Variants in PPP3CA observed in about 807,000 individuals in gnomAD.
PPP3CA encodes the protein protein phosphatase 3 catalytic subunit alpha, also known as CAM-PRP catalytic subunit.
PPP3CA carries 14 observed loss-of-function variants against 66.5 expected under a neutral mutation model. The observed-to-expected ratio is 0.21, with a 90% CI of 0.14 to 0.33. The LOEUF (loss-of-function observed/expected upper bound fraction) is 0.33. Among genes scored for constraint, PPP3CA ranks in the 10% least tolerant of loss-of-function variants. PPP3CA has a pLI of 1.00. For missense variants in PPP3CA, 317 were observed against 639.5 expected (o/e 0.50, Z 5.44); for synonymous variants, 232 against 226.2 (o/e 1.03, Z -0.23).
intron 6 of PPP3CA, among the ~76,000 whole-genome samples, chr4:101,085,526 G>A (rs1402678997): frequency 6.6e-6 from 1 of 152,138 alleles, no homozygotes; most frequent in Non-Finnish European, 1.5e-5. Context: ...TAGGTTAACA[G>A]CATTAAGTGA....
At chr4:101,185,858 G>T (rs539111902) in intron 2 of PPP3CA, among the ~76,000 whole-genome samples, 1 of 152,230 alleles carries the variant, frequency 6.6e-6, no homozygotes, top group South Asian at 2.1e-4. Context: ...ATGACCCTGG[G>T]CAAGCTCTGT....
intron 1 of PPP3CA, among the ~76,000 whole-genome samples, chr4:101,305,921 C>G (rs1290309490): frequency 6.6e-6 from 1 of 151,912 alleles, no homozygotes; most frequent in Admixed American, 6.6e-5. Context: ...AATTTCAAAG[C>G]TTTACACAGT....
At chr4:101,117,919 CA>C (rs1222752791) in intron 2 of PPP3CA, among the ~76,000 whole-genome samples, 1 of 151,778 alleles carries the variant, frequency 6.6e-6, no homozygotes, top group Non-Finnish European at 1.5e-5. Context: ...CAAATTTGAT[CA>C]GTACATATAA....
At chr4:101,292,333 G>A (rs1225344358) in intron 1 of PPP3CA, among the ~76,000 whole-genome samples, 1 of 152,168 alleles carries the variant, frequency 6.6e-6, no homozygotes, top group Non-Finnish European at 1.5e-5. Flanking sequence ...TTTATCTGTA[G>A]TCCTAGTTGA....
chr4:101,226,832 A>G (rs1386258218), intron 1 of PPP3CA, among the ~76,000 whole-genome samples: 1 of 151,740 alleles, frequency 6.6e-6, no homozygotes, highest in Admixed American at 6.6e-5. Flanking sequence ...GTGTCTTCTA[A>G]TATAAATGCT....
At chr4:101,267,912 G>C (rs1727219377) in intron 1 of PPP3CA, among the ~76,000 whole-genome samples, 1 of 151,964 alleles carries the variant, frequency 6.6e-6, no homozygotes, top group East Asian at 1.9e-4. Flanking sequence ...AACCTTTTTA[G>C]TTGAAATAAA....
chr4:101,121,112 A>G (rs1181364615), intron 2 of PPP3CA, among the ~76,000 whole-genome samples: 1 of 152,148 alleles, frequency 6.6e-6, no homozygotes, highest in Non-Finnish European at 1.5e-5. Flanking sequence ...TTTCAAATTT[A>G]GTTAAATTTT....
chr4:101,187,336 G>A (rs954674660), intron 2 of PPP3CA, among the ~76,000 whole-genome samples: 2 of 152,046 alleles, frequency 1.3e-5, no homozygotes, highest in African/African-American at 2.4e-5. Flanking sequence ...AAAAAAGTCT[G>A]TAAGATGGCT....
intron 2 of PPP3CA, among the ~76,000 whole-genome samples, chr4:101,138,163 A>G (rs1722683267): frequency 6.6e-6 from 1 of 152,198 alleles, no homozygotes. Context: ...TGTCCTCTCA[A>G]TACAAACTGG....
intron 10 of PPP3CA, among the ~76,000 whole-genome samples, chr4:101,054,477 G>T (rs2110220267): frequency 6.6e-6 from 1 of 152,142 alleles, no homozygotes; most frequent in Admixed American, 6.6e-5. Context: ...AATTACTAGT[G>T]CCAAACGCTT....
intron 1 of PPP3CA, among the ~76,000 whole-genome samples, chr4:101,316,123 C>T (rs1728876788): frequency 6.6e-6 from 1 of 151,800 alleles, no homozygotes; most frequent in African/African-American, 2.4e-5. Flanking sequence ...ACTCACGTGA[C>T]TACAAAGGAA....
At chr4:101,328,141 G>C (rs111412951) in intron 1 of PPP3CA, among the ~76,000 whole-genome samples, 4 of 152,286 alleles carry the variant, frequency 2.6e-5, no homozygotes, top group African/African-American at 9.6e-5. Flanking sequence ...AATCAGGGCA[G>C]GGTGTTAAAT....
intron 2 of PPP3CA, among the ~76,000 whole-genome samples, chr4:101,120,884 A>G (rs1254544445): frequency 1.3e-5 from 2 of 152,104 alleles, no homozygotes; most frequent in Admixed American, 6.6e-5. Flanking sequence ...GAAAATTTAC[A>G]TATGTGGCTG....
At chr4:101,066,887 A>G (rs1461874003) in intron 8 of PPP3CA, among the ~76,000 whole-genome samples, 1 of 152,134 alleles carries the variant, frequency 6.6e-6, no homozygotes, top group Non-Finnish European at 1.5e-5. Flanking sequence ...TATAAATAAT[A>G]CAAATAGTTG....
chr4:101,106,453 G>GAAAGAAAGAAGGGAAGAGAAA (rs775018059), intron 3 of PPP3CA, among the ~76,000 whole-genome samples: 3 of 35,518 alleles, frequency 8.4e-5, no homozygotes, highest in Non-Finnish European at 5.3e-5. Flanking sequence ...AAGAAAGAAA[G>GAAAGAAAGAAGGGAAGAGAAA]AGAAAAGAAA....
At chr4:101,330,939 G>C (rs1729366582) in intron 1 of PPP3CA, among the ~76,000 whole-genome samples, 6 of 148,622 alleles carry the variant, frequency 4.0e-5, no homozygotes, top group Admixed American at 3.9e-4. Flanking sequence ...CATAATTTAT[G>C]GTCCAGTCCC....
At chr4:101,251,107 TATTAAC>T (rs1726662394) in intron 1 of PPP3CA, among the ~76,000 whole-genome samples, 1 of 152,036 alleles carries the variant, frequency 6.6e-6, no homozygotes, top group Non-Finnish European at 1.5e-5. Flanking sequence ...TATTTATTAA[TATTAAC>T]ATTAAGAAGA....
At position 101,106,458 on chromosome 4, in the gene PPP3CA, A is replaced by AGAAAGAAAGAAAGAAAGAAGGAAG. The variant is rs1560605216; in HGVS notation, c.384+2495_384+2496insCTTCCTTCTTTCTTTCTTTCTTTC. On this transcript the variant is annotated intron_variant, in intron 3 of 13. Coordinates refer to ENST00000394854, the MANE Select transcript of PPP3CA (RefSeq NM_000944.5). ...GAAAGAAAGAAAGAAAGAAAGAGAA[A>AGAAAGAAAGAAAGAAAGAAGGAAG]AGAAAAGAAAAGAAAAGAAAAGAAA... Among the ~76,000 whole-genome samples, 2 of 32,676 alleles carry AGAAAGAAAGAAAGAAAGAAGGAAG rather than the reference A, an allele frequency of 6.1e-5. 1 individual carries two copies. Among genetic ancestry groups the AGAAAGAAAGAAAGAAAGAAGGAAG allele is most frequent in the Non-Finnish European group, 1.2e-4 (2 of 17,306 alleles). The allele number at this position is 32,676 out of a possible 152,430, so 21.4% of individuals were successfully genotyped here. A position where few individuals can be genotyped will look rare whatever the true frequency, so the allele number is the denominator to read the frequency against.
At chr4:101,244,974 A>T (rs1212645024) in intron 1 of PPP3CA, among the ~76,000 whole-genome samples, 1 of 151,000 alleles carries the variant, frequency 6.6e-6, no homozygotes, top group African/African-American at 2.4e-5. Flanking sequence ...AGAAAAGAAA[A>T]ATCGACTCTG....
Sources: gnomAD v4.1 joint callset for allele counts (sites outside exome capture counted in the v4.1 genomes callset) on GRCh38, gnomAD v4.1.1 for gene constraint, MANE v1.5 for transcripts, NCBI Gene and HGNC (gene_info 2026-07-23, HGNC 2026-07-21) for gene names.